FDFT1: variants seen among roughly 807,000 people sequenced by gnomAD.
FDFT1 encodes farnesyl-diphosphate farnesyltransferase 1.
A neutral mutation model predicts 46.8 loss-of-function variants in FDFT1; 68 were observed. The observed-to-expected ratio is 1.45, with a 90% CI of 1.19 to 1.78. The LOEUF (loss-of-function observed/expected upper bound fraction) is 1.78, where lower values mean the gene tolerates loss of function less well. Ranked by LOEUF, FDFT1 falls within the 40% of genes most tolerant of loss-of-function variation. The pLI is 0.00. For missense variants in FDFT1, 928 were observed against 524.4 expected (o/e 1.77, Z -7.52); for synonymous variants, 351 against 185.1 (o/e 1.90, Z -7.28).
At chr8:11,800,833 T>TAG (rs1806041704), upstream of FDFT1, among the ~76,000 whole-genome samples, 1 of 152,226 alleles carries the variant, frequency 6.6e-6, no homozygotes, top group Non-Finnish European at 1.5e-5. Flanking sequence ...CTACTTTACT[T>TAG]TTTATACCGT....
At chr8:11,823,743 T>C (rs558917510) in intron 4 of FDFT1, among the ~76,000 whole-genome samples, 119 of 152,124 alleles carry the variant, frequency 7.8e-4, no homozygotes, top group African/African-American at 2.8e-3. Context: ...GCTAATTTAT[T>C]TTAATTTTTA....
chr8:11,819,356 G>T (rs969748915), intron 3 of FDFT1, among the ~76,000 whole-genome samples: 1 of 152,142 alleles, frequency 6.6e-6, no homozygotes, highest in Admixed American at 6.5e-5. Flanking sequence ...GAATATCTTT[G>T]TGGTGTTCTC....
At chr8:11,809,873 T>G (rs977065549) in intron 3 of FDFT1, 23 bp downstream of exon 3, 3 of 1,587,630 alleles carry the variant, frequency 1.9e-6, no homozygotes, top group Non-Finnish European at 2.6e-6. Context: ...ACGCATCTTG[T>G]CTACGGACTG....
At chr8:11,802,210 A>AGT (rs1806195920), upstream of FDFT1, 2 of 407,526 alleles carry the variant, frequency 4.9e-6, no homozygotes, top group Non-Finnish European at 9.7e-6. Context: ...GGTGTGTTAC[A>AGT]GTAAAGACGC....
chr8:11,826,292 G>T lies in FDFT1; in HGVS notation c.702+77G>T, dbSNP rs1347559921. 3.3e-6 allele frequency: 4 copies of T among 1,204,438 alleles called. No individual in the cohort carries two copies. The Admixed American group carries it at 9.3e-5, about 28-fold the overall frequency. 74.6% of individuals were successfully genotyped at this position (1,204,438 alleles called of 1,614,324 possible). A position where few individuals can be genotyped will look rare whatever the true frequency, so the allele number is the denominator to read the frequency against. Reference sequence around the variant, plus strand: ...AAATCCTTTAACTCTTGTGGTTGCGGGTGACAGAAAAACAAGTCAGGCCTC... The same window carrying T: ...AAATCCTTTAACTCTTGTGGTTGCGTGTGACAGAAAAACAAGTCAGGCCTC... On this transcript the variant is annotated intron_variant, in intron 5 of 7. Transcript: ENST00000220584.
chr8:11,808,973 T>C (rs546970157), intron 2 of FDFT1, 82 bp downstream of exon 2: 81 of 1,547,022 alleles, frequency 5.2e-5, no homozygotes, highest in South Asian at 2.4e-4. Context: ...CCTTTTGATA[T>C]AGCGCTCAGC....
intron 4 of FDFT1, among the ~76,000 whole-genome samples, chr8:11,824,027 G>C (rs938297717): frequency 6.8e-6 from 1 of 147,984 alleles, no homozygotes; most frequent in Non-Finnish European, 1.5e-5. Flanking sequence ...ACTACACTCA[G>C]CCTTTTAAAA....
intron 4 of FDFT1, among the ~76,000 whole-genome samples, chr8:11,825,691 AAAAAAT>A (rs1171966483): frequency 2.6e-5 from 4 of 151,482 alleles, no homozygotes; most frequent in South Asian, 2.1e-4. Flanking sequence ...CATCTCAAAA[AAAAAAT>A]AAAAAATAAA....
upstream of FDFT1, among the ~76,000 whole-genome samples, chr8:11,799,420 T>C (rs56078124): frequency 0.03 from 4,493 of 152,296 alleles, 219 homozygotes; most frequent in African/African-American, 0.1. Flanking sequence ...TAGAGCTTAG[T>C]TGATTCTTCA....
At position 11,802,774 on chromosome 8, in the gene FDFT1, G is replaced by A. The variant is rs1404885043; in HGVS notation, c.-59G>A. The A allele has an allele frequency of 2.8e-5, 39 of 1,389,324 alleles. No individual in the cohort carries two copies. The South Asian group carries it at 4.3e-4, about 15-fold the overall frequency. The allele number at this position is 1,389,324 out of a possible 1,614,324, so 86.1% of individuals were successfully genotyped here. A position where few individuals can be genotyped will look rare whatever the true frequency, so the allele number is the denominator to read the frequency against. ...TACTCCACAGGTCCAGCCGGCCGGT[G>A]AGCGCCTGGGGACCGCAGAGGTGAG... On this transcript the variant is annotated 5_prime_UTR_variant, in exon 1 of 8. Transcript: ENST00000220584.
At chr8:11,826,381 C>G (rs1232865292) in intron 5 of FDFT1, among the ~76,000 whole-genome samples, 166 bp downstream of exon 5, 1 of 152,236 alleles carries the variant, frequency 6.6e-6, no homozygotes, top group African/African-American at 2.4e-5. Context: ...TTCAGGTAGA[C>G]TGGCTGACTC....
intron 5 of FDFT1, among the ~76,000 whole-genome samples, chr8:11,826,620 C>T (rs1366639745): frequency 6.6e-6 from 1 of 152,152 alleles, no homozygotes; most frequent in African/African-American, 2.4e-5. Context: ...TCGAGACCAG[C>T]CTGGCCAACA....
chr8:11,804,840 C>T (rs111229379), intron 1 of FDFT1, among the ~76,000 whole-genome samples: 13 of 151,216 alleles, frequency 8.6e-5, no homozygotes, highest in Middle Eastern at 3.5e-3. Flanking sequence ...AACTCTTGAC[C>T]TCAAGTGATC....
intron 3 of FDFT1, among the ~76,000 whole-genome samples, chr8:11,819,891 G>A (rs141188113): frequency 6.6e-6 from 1 of 152,180 alleles, no homozygotes; most frequent in East Asian, 1.9e-4. Flanking sequence ...TTCCTTTGCT[G>A]GTGAGGAGTT....
intron 3 of FDFT1, among the ~76,000 whole-genome samples, chr8:11,812,890 T>G (rs1044465424): frequency 6.6e-5 from 10 of 152,222 alleles, no homozygotes; most frequent in African/African-American, 2.4e-4. Context: ...AGTACAGTCA[T>G]GCATCACTTA....
At chr8:11,825,368 C>T (rs1809816451) in intron 4 of FDFT1, among the ~76,000 whole-genome samples, 1 of 151,724 alleles carries the variant, frequency 6.6e-6, no homozygotes, top group African/African-American at 2.4e-5. Context: ...ATGGTGAAAC[C>T]CCGTCTCTAC....
At position 11,838,443 on chromosome 8, in the gene FDFT1, T is replaced by C. The variant is rs758101680; in HGVS notation, c.1088T>C (p.Ile363Thr). The change falls in exon 8 of 8, where the codon ATC becomes ACC. Residue 363 changes from isoleucine to threonine, a missense_variant. Transcript: ENST00000220584. ...DPSSSKTRQI[I>T]STIRTQNLPN... ...TCTTCTAGCAAAACAAGGCAGATCA[T>C]CTCCACCATCCGGACGCAGAATCTT... 6.2e-7 allele frequency: 1 copy of C among 1,610,910 alleles called. No homozygotes were observed. Among genetic ancestry groups the C allele is most frequent in the South Asian group, 1.1e-5 (1 of 90,616 alleles).
intron 1 of FDFT1, 172 bp from the exon 2 acceptor site, chr8:11,808,622 G>C (rs1807230982): frequency 1.4e-6 from 2 of 1,389,342 alleles, no homozygotes; most frequent in Non-Finnish European, 1.9e-6. Context: ...GCACCGCCCC[G>C]CGGGGCTGCT....
In FDFT1 at chr8:11,808,303, G is replaced by A. The variant is rs544598287; in HGVS notation, c.100-491G>A. 3.5e-4 allele frequency: 431 copies of A among 1,226,634 alleles called. 4 individuals carry two copies. In the Admixed American group the frequency reaches 0.016, roughly 45 times the overall value. The allele number at this position is 1,226,634 out of a possible 1,614,324, so 76.0% of individuals were successfully genotyped here. On this transcript the variant is annotated intron_variant, in intron 1 of 7. Transcript: ENST00000220584. ...CGGAAGTGCGCTGGGTTCCCTTAGCGGCCAGTGGGTTCTGGTGAGAAGGGC... is the reference window on the plus strand; with the variant it reads ...CGGAAGTGCGCTGGGTTCCCTTAGCAGCCAGTGGGTTCTGGTGAGAAGGGC...
Sources: gnomAD v4.1 joint callset for allele counts (sites outside exome capture counted in the v4.1 genomes callset) on GRCh38, gnomAD v4.1.1 for gene constraint, MANE v1.5 for transcripts, NCBI Gene and HGNC (gene_info 2026-07-23, HGNC 2026-07-21) for gene names.